FBXW11: variants seen among roughly 807,000 people sequenced by gnomAD.
FBXW11 encodes F-box/WD repeat-containing protein 11.
In FBXW11, 19 loss-of-function variants were observed where a neutral mutation model predicts 77.6. The ratio of observed to expected loss-of-function variants is 0.24; its 90% CI spans 0.17 to 0.36. The LOEUF (loss-of-function observed/expected upper bound fraction) is 0.36. FBXW11 is among the 10% of genes least tolerant of loss of function. The pLI is 1.00. For missense variants in FBXW11, 334 were observed against 704.2 expected (o/e 0.47, Z 5.95); for synonymous variants, 235 against 249.4 (o/e 0.94, Z 0.54).
At chr5:171,991,953 A>T (rs537819737) in intron 1 of FBXW11, among the ~76,000 whole-genome samples, 1 of 151,914 alleles carries the variant, frequency 6.6e-6, no homozygotes, top group Non-Finnish European at 1.5e-5. Flanking sequence ...TATCTCTACT[A>T]AAAATACAAA....
At chr5:171,872,673 T>A (rs570666247) in intron 10 of FBXW11, among the ~76,000 whole-genome samples, 199 bp downstream of exon 10, 2 of 152,272 alleles carry the variant, frequency 1.3e-5, no homozygotes, top group African/African-American at 4.8e-5. Flanking sequence ...ACTGGGGGAA[T>A]CTTGGAAGAA....
At chr5:171,937,682 G>C (rs1280836068) in intron 2 of FBXW11, among the ~76,000 whole-genome samples, 1 of 151,804 alleles carries the variant, frequency 6.6e-6, no homozygotes. Flanking sequence ...ACAAAAATTA[G>C]CCAGGCATGG....
chr5:171,923,833 C>T (rs1208071275), intron 2 of FBXW11, among the ~76,000 whole-genome samples: 1 of 147,634 alleles, frequency 6.8e-6, no homozygotes, highest in Non-Finnish European at 1.5e-5. Flanking sequence ...ACAGACATAA[C>T]ACATACACAC....
intron 1 of FBXW11, among the ~76,000 whole-genome samples, chr5:172,004,125 A>G (rs918139131): frequency 6.6e-6 from 1 of 152,224 alleles, no homozygotes; most frequent in Non-Finnish European, 1.5e-5. Context: ...ATGCAGTGAA[A>G]ACAGAAAGCC....
chr5:171,967,032 T>C (rs1473526249), intron 1 of FBXW11, among the ~76,000 whole-genome samples: 1 of 152,182 alleles, frequency 6.6e-6, no homozygotes, highest in Admixed American at 6.5e-5. Flanking sequence ...CCCTTATCTA[T>C]AATTGCCCGT....
intron 4 of FBXW11, among the ~76,000 whole-genome samples, chr5:171,901,282 G>A (rs1013865851): frequency 6.6e-6 from 1 of 152,158 alleles, no homozygotes; most frequent in Non-Finnish European, 1.5e-5. Context: ...ATAATTAGAA[G>A]TAGTATAATA....
chr5:171,928,971 G>A (rs1373557252), intron 2 of FBXW11, among the ~76,000 whole-genome samples: 1 of 152,196 alleles, frequency 6.6e-6, no homozygotes, highest in Non-Finnish European at 1.5e-5. Context: ...TACTTGGGAA[G>A]CAGAGGCAGG....
At chr5:171,883,061 T>C (rs182943265) in intron 7 of FBXW11, among the ~76,000 whole-genome samples, 1 of 152,290 alleles carries the variant, frequency 6.6e-6, no homozygotes, top group African/African-American at 2.4e-5. Context: ...CTGAGTTACT[T>C]TGCTTAGAAT....
chr5:171,936,873 G>C (rs776383291), intron 2 of FBXW11, among the ~76,000 whole-genome samples: 6 of 151,966 alleles, frequency 3.9e-5, no homozygotes, highest in Non-Finnish European at 5.9e-5. Flanking sequence ...AGAAAAATTA[G>C]AAAATAAGAG....
intron 1 of FBXW11, among the ~76,000 whole-genome samples, chr5:171,988,919 G>A (rs1167446065): frequency 6.6e-6 from 1 of 152,040 alleles, no homozygotes; most frequent in Non-Finnish European, 1.5e-5. Flanking sequence ...GCTCACGCCT[G>A]TAATCCCAGC....
chr5:172,003,634 G>A (rs1016857902), intron 1 of FBXW11, among the ~76,000 whole-genome samples: 8 of 152,154 alleles, frequency 5.3e-5, no homozygotes, highest in African/African-American at 1.9e-4. Flanking sequence ...AATATTCAAA[G>A]CTGAATCCTA....
chr5:171,886,300 T>C (rs1758869112), intron 7 of FBXW11, among the ~76,000 whole-genome samples: 1 of 152,102 alleles, frequency 6.6e-6, no homozygotes, highest in Non-Finnish European at 1.5e-5. Flanking sequence ...GAAACCATCA[T>C]TCTCAGCAAA....
intron 1 of FBXW11, among the ~76,000 whole-genome samples, chr5:171,973,253 A>G (rs1352176868): frequency 6.6e-6 from 1 of 152,228 alleles, no homozygotes; most frequent in Non-Finnish European, 1.5e-5. Context: ...CAACACCCAG[A>G]AAGTGGGAAG....
chr5:171,915,204 T>C (rs1224698590), intron 2 of FBXW11, among the ~76,000 whole-genome samples: 2 of 152,182 alleles, frequency 1.3e-5, no homozygotes, highest in African/African-American at 2.4e-5. Flanking sequence ...CATTTATGGA[T>C]AGCAGTCTCT....
intron 7 of FBXW11, among the ~76,000 whole-genome samples, chr5:171,886,575 A>AAAAT (rs965480850): frequency 1.1e-4 from 16 of 151,808 alleles, no homozygotes; most frequent in Non-Finnish European, 1.5e-4. Context: ...AGTATAATAA[A>AAAAT]AAATAAATAA....
intron 12 of FBXW11, 86 bp from the exon 13 acceptor site, chr5:171,868,882 T>G: frequency 7.8e-7 from 1 of 1,283,328 alleles, no homozygotes. Context: ...AAGATGAAAA[T>G]GCAGCCACTT....
At chr5:171,897,851 C>T (rs1010867869) in intron 6 of FBXW11, among the ~76,000 whole-genome samples, 1 of 152,112 alleles carries the variant, frequency 6.6e-6, no homozygotes, top group African/African-American at 2.4e-5. Flanking sequence ...ACAGCCCCAT[C>T]TCCCCTACAA....
intron 2 of FBXW11, among the ~76,000 whole-genome samples, chr5:171,922,669 A>G (rs1182982742): frequency 6.6e-6 from 1 of 152,236 alleles, no homozygotes; most frequent in Non-Finnish European, 1.5e-5. Context: ...TCTCATAAAA[A>G]TGTAAACCAC....
chr5:171,938,329 C>G (rs1225304311), intron 2 of FBXW11, among the ~76,000 whole-genome samples: 1 of 152,242 alleles, frequency 6.6e-6, no homozygotes, highest in Non-Finnish European at 1.5e-5. Context: ...TCCCAAATCA[C>G]TGCGGTTACA....
Sources: allele counts gnomAD v4.1 joint callset (sites outside exome capture counted in the v4.1 genomes callset), GRCh38; gene constraint gnomAD v4.1.1; transcripts MANE v1.5; gene names NCBI Gene and HGNC (gene_info 2026-07-23, HGNC 2026-07-21).